Variants in NFE2L2 observed in about 807,000 individuals in gnomAD.
The protein encoded by NFE2L2 is nuclear factor erythroid 2-related factor 2.
Under a neutral mutation model 49.6 loss-of-function variants are expected in NFE2L2, and 20 were observed. That is an observed-to-expected ratio of 0.40 (90% CI 0.28 to 0.59). The LOEUF (loss-of-function observed/expected upper bound fraction) is 0.59. Among genes scored for constraint, NFE2L2 ranks in the 20% least tolerant of loss-of-function variants. NFE2L2 has a pLI of 0.40. For synonymous variants in NFE2L2, 244 were observed against 256.5 expected (o/e 0.95, Z 0.47); for missense variants, 578 against 714.2 (o/e 0.81, Z 2.17).
chr2:177,233,830 G>C (rs1689647296), intron 2 of NFE2L2, 175 bp downstream of exon 2: 17 of 720,216 alleles, frequency 2.4e-5, no homozygotes, highest in South Asian at 1.3e-4. Context: ...CAATAGGTTG[G>C]GTACTGAACT....
At chr2:177,242,868 A>G (rs1412549392) in intron 1 of NFE2L2, among the ~76,000 whole-genome samples, 1 of 151,778 alleles carries the variant, frequency 6.6e-6, no homozygotes, top group Non-Finnish European at 1.5e-5. Context: ...TTTCCATGAG[A>G]GGTTCACATC....
At chr2:177,238,786 C>T (rs150404294) in intron 1 of NFE2L2, among the ~76,000 whole-genome samples, 192 of 152,324 alleles carry the variant, frequency 1.3e-3, no homozygotes, top group African/African-American at 4.4e-3. Context: ...AATTAGACTA[C>T]TATTAACATG....
At chr2:177,259,341 T>C (rs1437641724) in intron 1 of NFE2L2, among the ~76,000 whole-genome samples, 3 of 152,128 alleles carry the variant, frequency 2.0e-5, no homozygotes, top group East Asian at 3.9e-4. Flanking sequence ...GTCCTACTTA[T>C]GCCCTGGACT....
intron 1 of NFE2L2, among the ~76,000 whole-genome samples, chr2:177,240,982 TCCC>T (rs982519957): frequency 9.9e-5 from 15 of 152,110 alleles, no homozygotes; most frequent in African/African-American, 3.6e-4. Context: ...CACCTCCCAT[TCCC>T]CCGAGTCTCC....
At position 177,231,434 on chromosome 2, in the gene NFE2L2, T is replaced by C. The variant is rs779607885; in HGVS notation, c.1169A>G (p.Gln390Arg). The change falls in exon 5 of 5, where the codon CAG becomes CGG. Residue 390 changes from glutamine (Q) to arginine (R), a missense_variant. This residue lies in a region of NFE2L2 where 368 missense variants were observed against 384.6 expected (regional missense o/e 0.96). Transcript: ENST00000397062. The part of the protein sequence containing the change: ...ELDSAPGSVK[Q>R]NGPKTPVHSS... ...ATGTACTGGTGTTTTAGGACCATTC[T>C]GTTTGACACTTCCAGGGGCACTATC... 1 of 1,614,254 alleles carries C rather than the reference T, an allele frequency of 6.2e-7. No individual in the cohort carries two copies. The highest frequency in any genetic ancestry group is 8.5e-7 in the Non-Finnish European group (1 of 1,180,036).
chr2:177,246,890 A>C (rs1690152262), intron 1 of NFE2L2, among the ~76,000 whole-genome samples: 1 of 149,298 alleles, frequency 6.7e-6, no homozygotes, highest in Admixed American at 6.8e-5. Flanking sequence ...GAGCCACTGC[A>C]CCCAGACTTT....
intron 1 of NFE2L2, among the ~76,000 whole-genome samples, chr2:177,249,347 G>T (rs1050852420): frequency 6.6e-6 from 1 of 152,158 alleles, no homozygotes; most frequent in African/African-American, 2.4e-5. Context: ...AGGCTATAAA[G>T]CCACTGGGAT....
chr2:177,249,759 A>G (rs1045073529), intron 1 of NFE2L2, among the ~76,000 whole-genome samples: 3 of 152,264 alleles, frequency 2.0e-5, no homozygotes, highest in African/African-American at 7.2e-5. Flanking sequence ...CTTACCCAGC[A>G]TGGTAACACG....
In NFE2L2 at chr2:177,230,777, T is replaced by C. The variant is rs758079733; in HGVS notation, c.*8A>G. 1.1e-5 allele frequency: 17 copies of C among 1,569,874 alleles called. No homozygotes were observed. The highest frequency in any genetic ancestry group is 1.5e-5 in the Non-Finnish European group (17 of 1,165,064). ...AACTAGCTCAGAAAAGGTCAAATCCTCCTAAATCTAGTTTTTCTTAACATC... is the reference window on the plus strand; with the variant it reads ...AACTAGCTCAGAAAAGGTCAAATCCCCCTAAATCTAGTTTTTCTTAACATC... On this transcript the variant is annotated 3_prime_UTR_variant, in exon 5 of 5. Coordinates refer to ENST00000397062, the MANE Select transcript of NFE2L2 (RefSeq NM_006164.5).
intron 1 of NFE2L2, among the ~76,000 whole-genome samples, chr2:177,260,197 C>T (rs1690680036): frequency 6.6e-6 from 1 of 152,138 alleles, no homozygotes; most frequent in East Asian, 1.9e-4. Flanking sequence ...AATGAATATA[C>T]ATTTCTACAG....
At chr2:177,256,706 T>G (rs1472642957) in intron 1 of NFE2L2, among the ~76,000 whole-genome samples, 2 of 152,148 alleles carry the variant, frequency 1.3e-5, no homozygotes, top group Non-Finnish European at 2.9e-5. Context: ...ATGACTAGAA[T>G]TAGAAAAGCA....
rs2105459416 is a variant in NFE2L2 at position 177,234,221 on chromosome 2, T to C, written c.96A>G (p.Val32=). Residue 32 remains valine, a synonymous_variant, in exon 2 of 5, where the codon GTA becomes GTG. Transcript: ENST00000397062. ...GACTGAAGTCAAATACTTCTCGACT[T>C]ACTCCAAGATCTATATCTTGCCTCC... ...ILWRQDIDLG[V]SREVFDFSQR... is the part of the protein sequence containing the mutation. 1 of 1,613,798 alleles carries C rather than the reference T, an allele frequency of 6.2e-7. No individual in the cohort carries two copies. The highest frequency in any genetic ancestry group is 8.5e-7 in the Non-Finnish European group (1 of 1,180,004).
chr2:177,263,480 A>C (rs1288996847), intron 1 of NFE2L2: 28 of 985,430 alleles, frequency 2.8e-5, no homozygotes, highest in Non-Finnish European at 3.3e-5. Flanking sequence ...CCAAAGACAA[A>C]GCCGCTCTGG....
At chr2:177,258,968 T>G (rs1011683522) in intron 1 of NFE2L2, among the ~76,000 whole-genome samples, 4 of 152,214 alleles carry the variant, frequency 2.6e-5, no homozygotes, top group African/African-American at 9.6e-5. Flanking sequence ...AGGCTGTTGA[T>G]GGACTGTAAT....
intron 1 of NFE2L2, among the ~76,000 whole-genome samples, chr2:177,262,022 T>C (rs1428254542): frequency 1.3e-5 from 2 of 152,066 alleles, no homozygotes; most frequent in African/African-American, 4.8e-5. Flanking sequence ...GAGTCAGTTT[T>C]CCCCCCAACA....
At chr2:177,262,657 TACAC>T (rs1690780996) in intron 1 of NFE2L2, among the ~76,000 whole-genome samples, 1 of 152,196 alleles carries the variant, frequency 6.6e-6, no homozygotes, top group Admixed American at 6.5e-5. Context: ...AATTGGAAAA[TACAC>T]ACTTAATGCG....
intron 1 of NFE2L2, among the ~76,000 whole-genome samples, chr2:177,261,066 G>A (rs1310122674): frequency 6.6e-6 from 1 of 151,340 alleles, no homozygotes; most frequent in Non-Finnish European, 1.5e-5. Context: ...AGCTACTCGG[G>A]AGGCTGAAGC....
At chr2:177,244,225 C>T (rs527459705) in intron 1 of NFE2L2, among the ~76,000 whole-genome samples, 27 of 151,108 alleles carry the variant, frequency 1.8e-4, no homozygotes, top group Non-Finnish European at 2.5e-4. Flanking sequence ...CGCTTGAACC[C>T]GGGGAGGCAG....
At chr2:177,233,786 G>T in intron 2 of NFE2L2, 1 of 619,730 alleles carries the variant, frequency 1.6e-6, no homozygotes, top group Non-Finnish European at 2.8e-6. Flanking sequence ...TGTAACTTAA[G>T]TCTTCCCAAT....
Sources: gnomAD v4.1 joint callset for allele counts (sites outside exome capture counted in the v4.1 genomes callset) on GRCh38, gnomAD v4.1.1 for gene constraint, gnomAD v4.1.1 regional missense constraint, MANE v1.5 for transcripts, NCBI Gene and HGNC (gene_info 2026-07-23, HGNC 2026-07-21) for gene names.